LNPEP: variants seen among roughly 807,000 people sequenced by gnomAD.
LNPEP encodes leucyl and cystinyl aminopeptidase.
A neutral mutation model predicts 120.6 loss-of-function variants in LNPEP; 64 were observed. The ratio of observed to expected loss-of-function variants is 0.53; its 90% CI spans 0.43 to 0.65. LNPEP has a LOEUF of 0.65. LNPEP is among the 30% of genes least tolerant of loss of function. The probability of loss-of-function intolerance (pLI) is 0.00; values close to 1 mark genes in which losing one functional copy is unlikely to be tolerated. For synonymous variants in LNPEP, 435 were observed against 425.4 expected (o/e 1.02, Z -0.28); for missense variants, 1,057 against 1,200.0 (o/e 0.88, Z 1.76).
chr5:97,014,564 AAG>A (rs887069554), intron 12 of LNPEP, among the ~76,000 whole-genome samples: 35 of 146,970 alleles, frequency 2.4e-4, no homozygotes, highest in African/African-American at 9.2e-4. Context: ...AAATTAAAAA[AAG>A]AAATCAGATA....
chr5:97,023,867 C>T (rs1582036247), intron 14 of LNPEP, among the ~76,000 whole-genome samples: 1 of 152,242 alleles, frequency 6.6e-6, no homozygotes, highest in South Asian at 2.1e-4. Flanking sequence ...CAACACTTGC[C>T]ATTTTCTGGG....
Position 97,030,620 on chromosome 5 carries a change from C to CTGTGTGTGTGTGTGTGTGTGTG in LNPEP, c.*2115_*2136dup, listed in dbSNP as rs3836860. The CTGTGTGTGTGTGTGTGTGTGTG allele has an allele frequency of 7.9e-6, 1 of 126,278 alleles. No homozygotes were observed. The highest frequency in any genetic ancestry group is 1.7e-5 in the Non-Finnish European group (1 of 59,460). The allele number at this position is 126,278 out of a possible 1,614,324, so 7.8% of individuals were successfully genotyped here. On this transcript the variant is annotated 3_prime_UTR_variant, in exon 18 of 18. Transcript: ENST00000231368. ...CATTTCTCTCCCTCTCTCTCTCTCTCTGTGTGTGTGTGTGTGTGTGTGTGT... is the reference window on the plus strand; with the variant it reads ...CATTTCTCTCCCTCTCTCTCTCTCTCTGTGTGTGTGTGTGTGTGTGTGTGTGTGTGTGTGTGTGTGTGTGTGT...
chr5:97,016,026 C>G (rs557634182), intron 13 of LNPEP, among the ~76,000 whole-genome samples: 1 of 152,212 alleles, frequency 6.6e-6, no homozygotes, highest in African/African-American at 2.4e-5. Flanking sequence ...ACAGTTCTCT[C>G]ATCACCTGCA....
At chr5:96,964,591 C>G (rs1789683391) in intron 1 of LNPEP, among the ~76,000 whole-genome samples, 1 of 151,870 alleles carries the variant, frequency 6.6e-6, no homozygotes, top group Admixed American at 6.6e-5. Context: ...TTAGGTTTTT[C>G]TCTTTTTTTG....
intron 3 of LNPEP, among the ~76,000 whole-genome samples, chr5:96,985,763 T>TG (rs1042436738): frequency 6.6e-6 from 1 of 151,670 alleles, no homozygotes; most frequent in African/African-American, 2.4e-5. Context: ...TTTTTGTTTT[T>TG]TTTTTTTTGG....
intron 1 of LNPEP, among the ~76,000 whole-genome samples, chr5:96,973,198 A>G (rs1013099108): frequency 1.3e-5 from 2 of 152,134 alleles, no homozygotes; most frequent in Admixed American, 1.3e-4. Flanking sequence ...GAGCACTGTA[A>G]TTAACAGGAA....
At chr5:96,982,923 TTTTA>T (rs1337561302) in intron 2 of LNPEP, among the ~76,000 whole-genome samples, 1 of 151,888 alleles carries the variant, frequency 6.6e-6, no homozygotes, top group African/African-American at 2.4e-5. Context: ...TTATAAATAG[TTTTA>T]TTTGATTCTA....
At chr5:97,025,079 C>T (rs556498751) in intron 15 of LNPEP, among the ~76,000 whole-genome samples, 30 of 152,232 alleles carry the variant, frequency 2.0e-4, no homozygotes, top group African/African-American at 6.7e-4. Context: ...CTAGGTTCTA[C>T]GTTCATATGA....
intron 3 of LNPEP, 127 bp from the exon 4 acceptor site, chr5:96,986,412 C>A: frequency 2.3e-6 from 2 of 884,408 alleles, no homozygotes; most frequent in South Asian, 1.7e-5. Context: ...GAAATTCATA[C>A]TGAGAGGTTA....
At chr5:96,969,913 T>C (rs2112592803) in intron 1 of LNPEP, among the ~76,000 whole-genome samples, 1 of 151,818 alleles carries the variant, frequency 6.6e-6, no homozygotes, top group South Asian at 2.1e-4. Flanking sequence ...TCAAATATTT[T>C]ATATATTCCT....
chr5:96,979,288 G>T lies in LNPEP; in HGVS notation c.170G>T (p.Gly57Val). Residue 57 changes from glycine (G) to valine (V), a missense_variant, in exon 2 of 18, where the codon GGT (glycine) becomes GTT (valine). Transcript: ENST00000231368. ...EPRGSRLLVR[G>V]LGEHEMEEDE... ...CGGGGTTCCCGACTGCTGGTGCGGG[G>T]TCTTGGTGAGCATGAGATGGAGGAG... 1 of 1,614,038 alleles carries T rather than the reference G, an allele frequency of 6.2e-7. No homozygotes were observed. Among genetic ancestry groups the T allele is most frequent in the Non-Finnish European group, 8.5e-7 (1 of 1,179,926 alleles).
At chr5:97,015,835 G>A (rs74582403) in intron 13 of LNPEP, among the ~76,000 whole-genome samples, 2,734 of 152,178 alleles carry the variant, frequency 0.018, 61 homozygotes, top group South Asian at 0.088. Flanking sequence ...ATTAGAATAA[G>A]TCTTTTGGGG....
chr5:96,969,627 G>T (rs79250292), intron 1 of LNPEP, among the ~76,000 whole-genome samples: 1 of 151,960 alleles, frequency 6.6e-6, no homozygotes, highest in Admixed American at 6.6e-5. Flanking sequence ...TTTTGGGCCA[G>T]TTTCTAGGAG....
At chr5:96,948,388 G>A (rs534043096) in intron 1 of LNPEP, among the ~76,000 whole-genome samples, 2 of 152,344 alleles carry the variant, frequency 1.3e-5, no homozygotes, top group East Asian at 3.9e-4. Flanking sequence ...AAAGTGTTGG[G>A]ATTACAGGCG....
intron 1 of LNPEP, among the ~76,000 whole-genome samples, chr5:96,957,096 C>T (rs1462918213): frequency 2.0e-5 from 3 of 152,112 alleles, no homozygotes; most frequent in Non-Finnish European, 4.4e-5. Flanking sequence ...TTAAAGTATT[C>T]AATAATTCCA....
intron 12 of LNPEP, among the ~76,000 whole-genome samples, 160 bp downstream of exon 12, chr5:97,013,991 T>C (rs575280417): frequency 3.5e-4 from 54 of 152,330 alleles, no homozygotes; most frequent in Non-Finnish European, 4.1e-4. Flanking sequence ...CCAGGGACTT[T>C]ATAAAACATT....
chr5:97,008,114 A>G (rs577603328), intron 11 of LNPEP, among the ~76,000 whole-genome samples: 159 of 152,262 alleles, frequency 1.0e-3, no homozygotes, highest in African/African-American at 3.7e-3. Context: ...CCGTAAAAGG[A>G]TAGTCTCTAA....
chr5:97,026,398 G>A (rs1351350244), intron 15 of LNPEP, among the ~76,000 whole-genome samples: 1 of 152,022 alleles, frequency 6.6e-6, no homozygotes, highest in Non-Finnish European at 1.5e-5. Context: ...TTATTGTCAT[G>A]TGACAATATA....
At chr5:97,016,846 C>T (rs1343907903) in intron 13 of LNPEP, among the ~76,000 whole-genome samples, 2 of 152,032 alleles carry the variant, frequency 1.3e-5, no homozygotes, top group African/African-American at 2.4e-5. Context: ...AATCCAATAT[C>T]GACTTTCTAG....
Sources: allele counts gnomAD v4.1 joint callset (sites outside exome capture counted in the v4.1 genomes callset), GRCh38; gene constraint gnomAD v4.1.1; transcripts MANE v1.5; gene names NCBI Gene and HGNC (gene_info 2026-07-23, HGNC 2026-07-21).